KCNQ1: variants seen among roughly 807,000 people sequenced by gnomAD.
The protein encoded by KCNQ1 is potassium voltage-gated channel subfamily KQT member 1.
In KCNQ1, 49 loss-of-function variants were observed where a neutral mutation model predicts 72.4. The ratio of observed to expected loss-of-function variants is 0.68; its 90% confidence interval spans 0.54 to 0.86. The LOEUF (loss-of-function observed/expected upper bound fraction) is 0.86, where lower values mean the gene tolerates loss of function less well. Ranked by LOEUF, KCNQ1 falls within the 40% of genes least tolerant of loss-of-function variation. The probability of loss-of-function intolerance (pLI) is 0.00; values close to 1 mark genes in which losing one functional copy is unlikely to be tolerated. For synonymous variants in KCNQ1, 450 were observed against 412.6 expected (o/e 1.09, Z -1.10); for missense variants, 790 against 945.1 (o/e 0.84, Z 2.15).
chr11:2,707,437 C>A (rs1357635218), intron 11 of KCNQ1, among the ~76,000 whole-genome samples: 1 of 152,228 alleles, frequency 6.6e-6, no homozygotes, highest in Non-Finnish European at 1.5e-5. Context: ...AAGAGCCCTC[C>A]CTTTTGGGGA....
chr11:2,790,499 T>C (rs938263058), intron 15 of KCNQ1, among the ~76,000 whole-genome samples: 1 of 152,240 alleles, frequency 6.6e-6, no homozygotes, highest in Non-Finnish European at 1.5e-5. Context: ...AGCATCCAGC[T>C]GTGCACACAG....
intron 10 of KCNQ1, chr11:2,631,281 C>A (rs1328034814): frequency 2.5e-6 from 1 of 398,336 alleles, no homozygotes; most frequent in Non-Finnish European, 4.4e-6. Context: ...CCTTTTCATT[C>A]TTTATTTTTC....
Position 2,745,829 on chromosome 11 carries a change from A to T in KCNQ1, c.1515-23015A>T, listed in dbSNP as rs1024530944. Among the ~76,000 whole-genome samples the T allele has an allele frequency of 2.0e-5, 3 of 152,256 alleles. No homozygotes were observed. The highest frequency in any genetic ancestry group is 4.8e-5 in the African/African-American group (2 of 41,472). On this transcript the variant is annotated intron_variant, in intron 11 of 15. Transcript: ENST00000155840. The surrounding 1 kb of genome is among the most constrained non-coding windows in gnomAD (Gnocchi z 6.2). ...GGGGCCAGGACCAGGAGCAGGCGGC[A>T]GCAGCAAGGCAGCTCATCCTCGGCT...
chr11:2,461,306 C>T (rs1846273865), intron 1 of KCNQ1: 11 of 769,698 alleles, frequency 1.4e-5, no homozygotes, highest in South Asian at 8.8e-5. Flanking sequence ...CAGGCCGCCT[C>T]GCAGCAGATT....
rs1850422609 is a variant in KCNQ1 at position 2,682,885 on chromosome 11, G to A, written c.1514+20804G>A. The A allele has an allele frequency of 5.0e-6, 2 of 398,622 alleles. No homozygotes were observed. The highest frequency in any genetic ancestry group is 6.3e-4 in the Middle Eastern group (1 of 1,588). 24.7% of individuals were successfully genotyped at this position (398,622 alleles called of 1,614,324 possible). A position where few individuals can be genotyped will look rare whatever the true frequency, so the allele number is the denominator to read the frequency against. The stretch of plus-strand genomic sequence containing the variant: ...AGGAAACTGAGGCTTGGGGATAGCA[G>A]ATGTTCCCAGACAGAAAATGGTGGC... On this transcript the variant is annotated intron_variant, in intron 11 of 15. Transcript: ENST00000155840. This position sits in a 1 kb window ranked among gnomAD's most constrained non-coding sequence, Gnocchi z 5.8.
rs528530712 is a variant in KCNQ1, at chr11:2,549,877, G to C, written c.478-20751G>C. Among the ~76,000 whole-genome samples, 1 of 152,246 alleles carries C rather than the reference G, an allele frequency of 6.6e-6. No individual in the cohort carries two copies. Among genetic ancestry groups the C allele is most frequent in the Non-Finnish European group, 1.5e-5 (1 of 68,000 alleles). On this transcript the variant is annotated intron_variant, in intron 2 of 15. Coordinates refer to ENST00000155840, the MANE Select transcript of KCNQ1 (RefSeq NM_000218.3). This position sits in a 1 kb window ranked among gnomAD's most constrained non-coding sequence, Gnocchi z 6.2. ...ACACCCCTCCCTGGCTTTTCCTTCT[G>C]CACCACTCAATCTGGGGGTTCCGGC...
intron 11 of KCNQ1, chr11:2,680,008 C>A (rs2133879176): frequency 2.5e-6 from 1 of 396,892 alleles, no homozygotes; most frequent in East Asian, 3.6e-5. Context: ...ATTCTCCTGC[C>A]TTAGCCTCCC....
chr11:2,613,951 C>T lies in KCNQ1; in HGVS notation c.1393+25097C>T, dbSNP rs1358216590. On this transcript the variant is annotated intron_variant, in intron 10 of 15. Transcript: ENST00000155840. The surrounding 1 kb of genome is among the most constrained non-coding windows in gnomAD (Gnocchi z 4.8). ...TTTGAACTTTGCTTTTCTCACCTAA[C>T]AACATCTCCTAGAAATCACTCAACA... The T allele has an allele frequency of 2.5e-6, 1 of 398,474 alleles. No individual in the cohort carries two copies. Among genetic ancestry groups the T allele is most frequent in the Non-Finnish European group, 4.4e-6 (1 of 226,054 alleles). The allele number at this position is 398,474 out of a possible 1,614,324, so 24.7% of individuals were successfully genotyped here.
chr11:2,499,533 C>CTCCA (rs761604921), intron 1 of KCNQ1, among the ~76,000 whole-genome samples: 1 of 129,122 alleles, frequency 7.7e-6, no homozygotes, highest in Non-Finnish European at 1.6e-5. Flanking sequence ...CCTGCCCCCA[C>CTCCA]AAAAAAAGAC....
rs1564854123 is a variant in KCNQ1 at position 2,674,831 on chromosome 11, T to TA, written c.1514+12750_1514+12751insA. 4,835 of 367,262 alleles carry TA rather than the reference T, an allele frequency of 0.013. 153 individuals carry two copies. The highest frequency in any genetic ancestry group is 0.06 in the African/African-American group (2,323 of 38,522). The allele number at this position is 367,262 out of a possible 1,614,324, so 22.8% of individuals were successfully genotyped here. A position where few individuals can be genotyped will look rare whatever the true frequency, so the allele number is the denominator to read the frequency against. On this transcript the variant is annotated intron_variant, in intron 11 of 15. Transcript: ENST00000155840. This position sits in a 1 kb window ranked among gnomAD's most constrained non-coding sequence, Gnocchi z 5.9. ...GGCTTGTCACCCTAATAGCTGTTTT[T>TA]TAAAAAAAAAAAAAAAAAAAAAAAA...
intron 11 of KCNQ1, among the ~76,000 whole-genome samples, chr11:2,736,876 C>A (rs1363075392): frequency 6.6e-6 from 1 of 152,212 alleles, no homozygotes; most frequent in Admixed American, 6.5e-5. Flanking sequence ...ACCCCACAGT[C>A]ACAGGTGGGG....
chr11:2,747,175 C>G (rs921924032), intron 11 of KCNQ1, among the ~76,000 whole-genome samples: 1 of 152,226 alleles, frequency 6.6e-6, no homozygotes, highest in Non-Finnish European at 1.5e-5. Flanking sequence ...ATTAACAGAG[C>G]CTTAAACTGT....
rs1285558851 is a variant in KCNQ1 at position 2,767,147 on chromosome 11, A to G, written c.1515-1697A>G. ...TGTGCCACTGCACTCCAGCCTGGCAATAGAGCGAGACTCCATCTATATGTG... is the reference window on the plus strand; with the variant it reads ...TGTGCCACTGCACTCCAGCCTGGCAGTAGAGCGAGACTCCATCTATATGTG... On this transcript the variant is annotated intron_variant, in intron 11 of 15. Transcript: ENST00000155840. The surrounding 1 kb of genome is among the most constrained non-coding windows in gnomAD (Gnocchi z 4.6). Among the ~76,000 whole-genome samples the G allele has an allele frequency of 1.3e-5, 2 of 152,018 alleles. No homozygotes were observed. Among genetic ancestry groups the G allele is most frequent in the Admixed American group, 1.3e-4 (2 of 15,280 alleles).
intron 2 of KCNQ1, among the ~76,000 whole-genome samples, chr11:2,557,141 T>C (rs1327619987): frequency 1.3e-5 from 2 of 152,032 alleles, no homozygotes; most frequent in Non-Finnish European, 2.9e-5. Flanking sequence ...GCCAAGAAAC[T>C]GCAAGCTAAA....
At chr11:2,744,243 GTC>G (rs939473045) in intron 11 of KCNQ1, among the ~76,000 whole-genome samples, 86 of 152,346 alleles carry the variant, frequency 5.6e-4, no homozygotes, top group Middle Eastern at 3.4e-3. Flanking sequence ...CCACTCTAGT[GTC>G]TCTGCTCAAA....
chr11:2,591,133 C>T (rs780605010), intron 10 of KCNQ1, among the ~76,000 whole-genome samples: 3 of 152,246 alleles, frequency 2.0e-5, no homozygotes, highest in Non-Finnish European at 4.4e-5. Context: ...TTATGCATGG[C>T]AGAGAGGGGA....
chr11:2,518,026 G>A (rs576515968), intron 1 of KCNQ1, among the ~76,000 whole-genome samples: 9 of 152,340 alleles, frequency 5.9e-5, no homozygotes, highest in East Asian at 1.9e-4. Context: ...TGGAGGAGGC[G>A]GCACTGAGAC....
intron 10 of KCNQ1, chr11:2,632,422 C>T (rs559011223): frequency 5.3e-5 from 21 of 398,214 alleles, no homozygotes; most frequent in South Asian, 3.8e-4. Flanking sequence ...GGCTAAAATG[C>T]GCATCTTGCT....
chr11:2,496,939 G>A (rs1377886771), intron 1 of KCNQ1, among the ~76,000 whole-genome samples: 2 of 152,050 alleles, frequency 1.3e-5, no homozygotes, highest in African/African-American at 4.8e-5. Flanking sequence ...TAGTTTGGCT[G>A]GATATGAAAT....
Sources: gnomAD v4.1 joint callset for allele counts (sites outside exome capture counted in the v4.1 genomes callset) on GRCh38, gnomAD v4.1.1 for gene constraint, Gnocchi (gnomAD v3.1) non-coding constraint, MANE v1.5 for transcripts, NCBI Gene and HGNC (gene_info 2026-07-23, HGNC 2026-07-21) for gene names.